The following AGAP3 variants were observed in gnomAD, a reference collection of about 807,000 sequenced individuals.
The protein encoded by AGAP3 is arf-GAP with GTPase, ANK repeat and PH domain-containing protein 3.
Under a neutral mutation model 96.9 loss-of-function variants are expected in AGAP3, and 24 were observed. The observed-to-expected ratio is 0.25, with a 90% CI of 0.18 to 0.35. The LOEUF (loss-of-function observed/expected upper bound fraction) is 0.35, where lower values mean the gene tolerates loss of function less well. AGAP3 is among the 10% of genes least tolerant of loss of function. AGAP3 has a pLI of 1.00. For synonymous variants in AGAP3, 563 were observed against 536.1 expected (o/e 1.05, Z -0.69); for missense variants, 876 against 1,254.2 (o/e 0.70, Z 4.55).
chr7:151,091,008 C>G (rs1338008967), intron 1 of AGAP3, among the ~76,000 whole-genome samples: 1 of 152,232 alleles, frequency 6.6e-6, no homozygotes, highest in Non-Finnish European at 1.5e-5. Flanking sequence ...GCCCTCAGCC[C>G]TTAGGCACAC....
In AGAP3 at chr7:151,143,206, G is replaced by T; in HGVS notation, c.2274-135G>T. On this transcript the variant is annotated intron_variant, in intron 16 of 17. Coordinates refer to ENST00000397238, the MANE Select transcript of AGAP3 (RefSeq NM_031946.7). The surrounding 1 kb of genome is among the most constrained non-coding windows in gnomAD (Gnocchi z 5.9). ...TCCAAGGCTTCTCTCCTTCCTTTTT[G>T]CTCCATCTCATCTTCTCTCACTGTT... 1 of 1,077,786 alleles carries T rather than the reference G, an allele frequency of 9.3e-7. No homozygotes were observed. 66.8% of individuals were successfully genotyped at this position (1,077,786 alleles called of 1,614,324 possible).
chr7:151,116,498 G>A (rs1208590038), intron 1 of AGAP3: 10 of 488,226 alleles, frequency 2.0e-5, no homozygotes, highest in Non-Finnish European at 3.3e-5. Context: ...TTGGTGGGGG[G>A]ACAATAAACC....
At chr7:151,112,396 CGTGTGTGTGTGTGT>C (rs71819427) in intron 1 of AGAP3, among the ~76,000 whole-genome samples, 106 of 139,934 alleles carry the variant, frequency 7.6e-4, no homozygotes, top group African/African-American at 2.1e-3. Flanking sequence ...TTCCCCGAGA[CGTGTGTGTGTGTGT>C]GTGTGTGTGT....
At chr7:151,088,061 G>A (rs186163376) in intron 1 of AGAP3, among the ~76,000 whole-genome samples, 152 of 152,384 alleles carry the variant, frequency 1.0e-3, no homozygotes, top group African/African-American at 3.1e-3. Context: ...TGCAGTGAGA[G>A]CCAAGGCCTT....
At chr7:151,131,986 G>A (rs996809255) in intron 10 of AGAP3, among the ~76,000 whole-genome samples, 1 of 152,242 alleles carries the variant, frequency 6.6e-6, no homozygotes, top group Non-Finnish European at 1.5e-5. Flanking sequence ...AGATGTGATT[G>A]TGTACAGGGA....
At chr7:151,112,239 A>C (rs1354170394) in intron 1 of AGAP3, 1 of 152,270 alleles carries the variant, frequency 6.6e-6, no homozygotes, top group Non-Finnish European at 1.5e-5. Context: ...AGGAGAGGGC[A>C]GCCAGGTGAG....
intron 1 of AGAP3, among the ~76,000 whole-genome samples, chr7:151,101,088 A>G (rs1798817911): frequency 6.6e-6 from 1 of 151,986 alleles, no homozygotes; most frequent in South Asian, 2.1e-4. Context: ...CGCATCACTC[A>G]CCACCTCCCT....
At position 151,116,961 on chromosome 7, in the gene AGAP3, T is replaced by G. The variant is rs1336704663; in HGVS notation, c.390+110T>G. 9 of 1,523,264 alleles carry G rather than the reference T, an allele frequency of 5.9e-6. No individual in the cohort carries two copies. In the East Asian group the frequency reaches 2.0e-4, roughly 34 times the overall value. 94.4% of individuals were successfully genotyped at this position (1,523,264 alleles called of 1,614,324 possible). A position where few individuals can be genotyped will look rare whatever the true frequency, so the allele number is the denominator to read the frequency against. Reference sequence around the variant, plus strand: ...GCTTCTGTCCCCTTCTCTGCTCAGCTTGGCCCTCTCTGCCCTCTCTCCTCC... The same window carrying G: ...GCTTCTGTCCCCTTCTCTGCTCAGCGTGGCCCTCTCTGCCCTCTCTCCTCC... On this transcript the variant is annotated intron_variant, in intron 2 of 17. Transcript: ENST00000397238.
intron 1 of AGAP3, among the ~76,000 whole-genome samples, chr7:151,089,284 G>T (rs1370643611): frequency 6.6e-6 from 1 of 152,220 alleles, no homozygotes; most frequent in Non-Finnish European, 1.5e-5. Context: ...CCTTCTTTCT[G>T]CGAGGAGGGA....
chr7:151,087,166 T>A, intron 1 of AGAP3, 94 bp downstream of exon 1: 1 of 1,341,300 alleles, frequency 7.5e-7, no homozygotes, highest in Non-Finnish European at 1.0e-6. Context: ...ATGCTCTCCC[T>A]GTCGGGGGTC....
At chr7:151,087,290 C>G in intron 1 of AGAP3, 1 of 591,248 alleles carries the variant, frequency 1.7e-6, no homozygotes, top group Non-Finnish European at 3.0e-6. Flanking sequence ...TTTCTGCTGA[C>G]TGTGTTCCAG....
chr7:151,131,992 A>C (rs1309997252), intron 10 of AGAP3, among the ~76,000 whole-genome samples: 1 of 152,228 alleles, frequency 6.6e-6, no homozygotes, highest in Non-Finnish European at 1.5e-5. Flanking sequence ...GATTGTGTAC[A>C]GGGACTGCCG....
At chr7:151,111,453 G>A (rs947035435) in intron 1 of AGAP3, among the ~76,000 whole-genome samples, 1 of 152,198 alleles carries the variant, frequency 6.6e-6, no homozygotes, top group Non-Finnish European at 1.5e-5. Context: ...CTCACCAGTG[G>A]ATCAAGCAAC....
intron 11 of AGAP3, among the ~76,000 whole-genome samples, 153 bp downstream of exon 11, chr7:151,134,721 C>T (rs6979622): frequency 0.033 from 5,061 of 152,294 alleles, 316 homozygotes; most frequent in East Asian, 0.26. Flanking sequence ...TGTGCCCTAA[C>T]GCAGCCCTCG....
Position 151,117,381 on chromosome 7 carries a change from TAAG to T in AGAP3, c.493_495del (p.Lys165del). On this transcript the variant is annotated inframe_deletion, in exon 4 of 18. Transcript: ENST00000397238. ...CGCGCTCTGTCCTAGGGGGGCGGTT[TAAG>T]AAGGAGATTGTGGTGGATGGCCAGA... 1 of 1,614,146 alleles carries T rather than the reference TAAG, an allele frequency of 6.2e-7. No homozygotes were observed. The highest frequency in any genetic ancestry group is 8.5e-7 in the Non-Finnish European group (1 of 1,180,016).
chr7:151,138,184 C>T lies in AGAP3; in HGVS notation c.1537C>T (p.Arg513Cys), dbSNP rs770641288. 8.1e-6 allele frequency: 13 copies of T among 1,608,912 alleles called. No individual in the cohort carries two copies. The Middle Eastern group carries it at 5.0e-4, about 61-fold the overall frequency. ...CAGCAGCGCATCCCTGCACTCTGAGCGCCCCCTCAGCAGCTCGGCCTGGGC... is the reference window on the plus strand; with the variant it reads ...CAGCAGCGCATCCCTGCACTCTGAGTGCCCCCTCAGCAGCTCGGCCTGGGC... ...SASSASLHSE[R>C]PLSSSAWAGP... The change falls in exon 12 of 18, where the codon CGC becomes TGC. Residue 513 changes from arginine to cysteine, a missense_variant. By Grantham distance (180) the Arg-to-Cys change is radical. This residue lies in a region of AGAP3 where 155 missense variants were observed against 144.4 expected (regional missense o/e 1.07). Coordinates refer to ENST00000397238, the MANE Select transcript of AGAP3 (RefSeq NM_031946.7).
chr7:151,129,781 G>A (rs1304470741), intron 10 of AGAP3, among the ~76,000 whole-genome samples: 1 of 152,018 alleles, frequency 6.6e-6, no homozygotes, highest in Non-Finnish European at 1.5e-5. Context: ...GCTGGGAAGA[G>A]CGCCTACCAC....
chr7:151,143,798 G>T lies in AGAP3; in HGVS notation c.2591G>T (p.Arg864Leu). 6.2e-7 allele frequency: 1 copy of T among 1,614,114 alleles called. No homozygotes were observed. Among genetic ancestry groups the T allele is most frequent in the Non-Finnish European group, 8.5e-7 (1 of 1,180,038 alleles). ...RGLTPLAYAR[R>L]AGSQECADIL... ...CTGACTCCACTGGCATATGCTCGCC[G>T]GGCCGGCAGCCAGGAGTGTGCAGAC... Residue 864 changes from arginine (R) to leucine (L), a missense_variant, in exon 18 of 18, where the codon CGG becomes CTG. Physicochemically the swap from Arg to Leu is moderately radical, Grantham distance 102. Transcript: ENST00000397238. The surrounding 1 kb of genome is among the most constrained non-coding windows in gnomAD (Gnocchi z 5.9).
chr7:151,098,578 A>G (rs1309295520), intron 1 of AGAP3, among the ~76,000 whole-genome samples: 1 of 151,946 alleles, frequency 6.6e-6, no homozygotes, highest in African/African-American at 2.4e-5. Flanking sequence ...GCTTGAACCC[A>G]GAGTCAAGGC....
Sources: allele counts gnomAD v4.1 joint callset (sites outside exome capture counted in the v4.1 genomes callset), GRCh38; gene constraint gnomAD v4.1.1; regional missense constraint gnomAD v4.1.1; non-coding constraint Gnocchi (gnomAD v3.1); transcripts MANE v1.5; gene names NCBI Gene and HGNC (gene_info 2026-07-23, HGNC 2026-07-21).